The following TMEM232 variants were observed in gnomAD, a reference collection of about 807,000 sequenced individuals.
The protein encoded by TMEM232 is transmembrane protein 232.
A neutral mutation model predicts 78.8 loss-of-function variants in TMEM232; 80 were observed. The observed-to-expected ratio is 1.01, with a 90% CI of 0.85 to 1.22. TMEM232 has a LOEUF of 1.22. TMEM232 is among the 50% of genes most tolerant of loss of function. The probability of loss-of-function intolerance (pLI) is 0.00; values close to 1 mark genes in which losing one functional copy is unlikely to be tolerated. For missense variants in TMEM232, 881 were observed against 742.2 expected (o/e 1.19, Z -2.17); for synonymous variants, 297 against 254.3 (o/e 1.17, Z -1.60).
At chr5:110,389,541 G>T (rs1755107680) in intron 4 of TMEM232, among the ~76,000 whole-genome samples, 2 of 152,176 alleles carry the variant, frequency 1.3e-5, no homozygotes, top group Non-Finnish European at 2.9e-5. Context: ...TGAAAAATTT[G>T]TGTTGAAATC....
intron 1 of TMEM232, among the ~76,000 whole-genome samples, chr5:110,726,098 CCT>C (rs1157780393): frequency 0.015 from 2,000 of 131,472 alleles, 45 homozygotes; most frequent in African/African-American, 0.061. Flanking sequence ...AATATACCCC[CCT>C]CTCTCTTTCA....
chr5:110,570,859 C>A (rs1776862535), intron 10 of TMEM232, among the ~76,000 whole-genome samples: 2 of 152,006 alleles, frequency 1.3e-5, no homozygotes, highest in Non-Finnish European at 2.9e-5. Context: ...CAATTACTGT[C>A]TGTCTTTCTA....
intron 12 of TMEM232, among the ~76,000 whole-genome samples, chr5:110,475,525 A>C (rs897948127): frequency 5.4e-5 from 8 of 148,660 alleles, no homozygotes; most frequent in Non-Finnish European, 1.0e-4. Flanking sequence ...AAAAATCTCC[A>C]AAAATGGCAA....
At chr5:110,491,223 T>C (rs1258942854) in intron 12 of TMEM232, among the ~76,000 whole-genome samples, 1 of 151,980 alleles carries the variant, frequency 6.6e-6, no homozygotes, top group Admixed American at 6.6e-5. Context: ...TAAAAAGACA[T>C]TCAACATCAT....
At chr5:110,655,251 G>C (rs1390256171) in intron 2 of TMEM232, among the ~76,000 whole-genome samples, 1 of 151,716 alleles carries the variant, frequency 6.6e-6, no homozygotes, top group Admixed American at 6.6e-5. Context: ...CAAAGGATAT[G>C]AACAGACACT....
chr5:110,446,184 C>A (rs1396074588), intron 12 of TMEM232, among the ~76,000 whole-genome samples: 3 of 152,048 alleles, frequency 2.0e-5, no homozygotes, highest in African/African-American at 7.2e-5. Context: ...TGGCCTCTGA[C>A]CTTTAAGGAG....
chr5:110,422,718 A>T lies in TMEM232; in HGVS notation c.1798-1962T>A, dbSNP rs1051521789. Among the ~76,000 whole-genome samples the T allele has an allele frequency of 5.3e-5, 8 of 152,052 alleles. 1 individual carries two copies. The highest frequency in any genetic ancestry group is 1.9e-4 in the African/African-American group (8 of 41,400). ...TCTTCCCTCTTTCCCCCTTCTTAGA[A>T]TTTGGAATGGCTGAAATTCACCATA... On this transcript the variant is annotated intron_variant, in intron 13 of 13. Coordinates refer to ENST00000455884, the MANE Select transcript of TMEM232 (RefSeq NM_001039763.4).
chr5:110,407,791 T>A (rs1009944458), intron 2 of TMEM232, among the ~76,000 whole-genome samples: 2 of 152,096 alleles, frequency 1.3e-5, no homozygotes, highest in Non-Finnish European at 2.9e-5. Context: ...AACAAGCCTG[T>A]ACAAATTTTT....
intron 12 of TMEM232, among the ~76,000 whole-genome samples, chr5:110,508,525 T>A (rs1345759505): frequency 6.6e-6 from 1 of 151,552 alleles, no homozygotes; most frequent in African/African-American, 2.4e-5. Flanking sequence ...CCACTTCTCC[T>A]GACTAGTACC....
rs186258440 is a variant in TMEM232, at chr5:110,474,137, G to A, written c.1704-49221C>T. On this transcript the variant is annotated intron_variant, in intron 12 of 13. Transcript: ENST00000455884. ...TACATTTCAAAATAGCTATAAGAAC[G>A]GATTCTGAATGTTCTCATCACAAAT... 4.6e-5 allele frequency among the ~76,000 whole-genome samples: 7 copies of A among 151,652 alleles called. No homozygotes were observed. In the East Asian group the frequency reaches 5.8e-4, roughly 13 times the overall value.
intron 12 of TMEM232, 103 bp downstream of exon 12, chr5:110,528,485 A>AAG: frequency 7.9e-7 from 1 of 1,272,300 alleles, no homozygotes; most frequent in Non-Finnish European, 1.0e-6. Context: ...TGAATTGAAG[A>AAG]AGAGAAACTG....
intron 12 of TMEM232, among the ~76,000 whole-genome samples, chr5:110,482,384 G>C (rs995063600): frequency 2.6e-5 from 4 of 151,880 alleles, no homozygotes; most frequent in Admixed American, 2.6e-4. Flanking sequence ...AGTTTGAGAT[G>C]AGCCTGGCCA....
At chr5:110,473,274 T>A (rs1762876664) in intron 12 of TMEM232, among the ~76,000 whole-genome samples, 1 of 151,680 alleles carries the variant, frequency 6.6e-6, no homozygotes, top group Admixed American at 6.6e-5. Flanking sequence ...GGGCAAAATA[T>A]GTGAATGGAT....
At chr5:110,593,116 G>A (rs1472504432) in intron 10 of TMEM232, among the ~76,000 whole-genome samples, 2 of 152,160 alleles carry the variant, frequency 1.3e-5, no homozygotes, top group African/African-American at 4.8e-5. Flanking sequence ...CTTAGCAAGT[G>A]TGAGCTCACA....
chr5:110,415,354 A>AT (rs1483771269), downstream of TMEM232, among the ~76,000 whole-genome samples: 2 of 151,370 alleles, frequency 1.3e-5, no homozygotes, highest in Non-Finnish European at 2.9e-5. Context: ...CACCTGGCTA[A>AT]TTTTTTTGTA....
In TMEM232 at chr5:110,419,571, A is replaced by G. The variant is rs1012114702; in HGVS notation, c.*1009T>C. On this transcript the variant is annotated 3_prime_UTR_variant, in exon 14 of 14. Coordinates refer to ENST00000455884, the MANE Select transcript of TMEM232 (RefSeq NM_001039763.4). ...TCTTGAAAGGCTGGATGATTTTACA[A>G]TACTGACATACATTTTGGAATGTAA... 6.6e-6 allele frequency among the ~76,000 whole-genome samples: 1 copy of G among 152,254 alleles called. No individual in the cohort carries two copies. The highest frequency in any genetic ancestry group is 2.4e-5 in the African/African-American group (1 of 41,582).
chr5:110,401,323 T>C (rs573859377), intron 2 of TMEM232, among the ~76,000 whole-genome samples: 12 of 151,044 alleles, frequency 7.9e-5, no homozygotes, highest in African/African-American at 3.0e-4. Flanking sequence ...AATGAGTAAG[T>C]TGCACAAATT....
intron 5 of TMEM232, among the ~76,000 whole-genome samples, chr5:110,632,619 C>T (rs1385949614): frequency 6.6e-6 from 1 of 151,894 alleles, no homozygotes; most frequent in Non-Finnish European, 1.5e-5. Context: ...AAAGTACAAT[C>T]AAGTGTTTAA....
intron 1 of TMEM232, among the ~76,000 whole-genome samples, chr5:110,670,943 G>C (rs895284671): frequency 7.2e-5 from 11 of 151,986 alleles, no homozygotes; most frequent in Non-Finnish European, 1.3e-4. Context: ...AATTTGACAA[G>C]TGCTTATTGT....
Sources: gnomAD v4.1 joint callset for allele counts (sites outside exome capture counted in the v4.1 genomes callset) on GRCh38, gnomAD v4.1.1 for gene constraint, MANE v1.5 for transcripts, NCBI Gene and HGNC (gene_info 2026-07-23, HGNC 2026-07-21) for gene names.